IFT81: variants seen among roughly 807,000 people sequenced by gnomAD.
IFT81 encodes intraflagellar transport protein 81 homolog.
A neutral mutation model predicts 102.6 loss-of-function variants in IFT81; 72 were observed. The observed-to-expected ratio is 0.70, with a 90% CI of 0.58 to 0.85. The LOEUF (loss-of-function observed/expected upper bound fraction) is 0.85. IFT81 is among the 40% of genes least tolerant of loss of function. The probability of loss-of-function intolerance (pLI) is 0.00; values close to 1 mark genes in which losing one functional copy is unlikely to be tolerated. For synonymous variants in IFT81, 237 were observed against 242.7 expected (o/e 0.98, Z 0.22); for missense variants, 723 against 787.3 (o/e 0.92, Z 0.98).
chr12:110,189,878 C>T (rs906938043), intron 12 of IFT81, among the ~76,000 whole-genome samples: 4 of 152,174 alleles, frequency 2.6e-5, no homozygotes, highest in African/African-American at 4.8e-5. Flanking sequence ...ATCCCTACAT[C>T]TAATTTGTCG....
At chr12:110,193,317 T>C (rs902272468) in intron 14 of IFT81, among the ~76,000 whole-genome samples, 1 of 152,208 alleles carries the variant, frequency 6.6e-6, no homozygotes. Flanking sequence ...TTAAATCATA[T>C]GGACCTTAAA....
At chr12:110,147,151 A>AC in intron 10 of IFT81, 103 bp downstream of exon 10, 7 of 841,626 alleles carry the variant, frequency 8.3e-6, no homozygotes, top group Non-Finnish European at 1.2e-5. Flanking sequence ...GTAGAGAATA[A>AC]ATGTTGTTCT....
At chr12:110,160,518 T>G (rs1432994006) in intron 10 of IFT81, among the ~76,000 whole-genome samples, 3 of 152,184 alleles carry the variant, frequency 2.0e-5, no homozygotes, top group Non-Finnish European at 4.4e-5. Flanking sequence ...CCCCCTGCCT[T>G]GTTCTAGCAG....
chr12:110,213,592 T>G (rs535136569), intron 18 of IFT81, among the ~76,000 whole-genome samples: 1 of 152,348 alleles, frequency 6.6e-6, no homozygotes, highest in Middle Eastern at 3.4e-3. Flanking sequence ...TCATTCATTC[T>G]TCATTTATTG....
intron 18 of IFT81, among the ~76,000 whole-genome samples, chr12:110,209,651 C>T (rs1869148617): frequency 6.6e-6 from 1 of 151,794 alleles, no homozygotes; most frequent in Non-Finnish European, 1.5e-5. Context: ...CGCCTGTAAT[C>T]CCAGCTACTC....
chr12:110,218,075 A>T lies in IFT81; in HGVS notation c.1880A>T (p.Glu627Val). The T allele has an allele frequency of 6.2e-7, 1 of 1,603,924 alleles. No homozygotes were observed. Among genetic ancestry groups the T allele is most frequent in the Non-Finnish European group, 8.5e-7 (1 of 1,177,214 alleles). The change falls in exon 19 of 19, where the codon GAA becomes GTA. Residue 627 changes from glutamate (E) to valine (V), a missense_variant. Transcript: ENST00000242591. The stretch of plus-strand genomic sequence containing the variant: ...CGGGAAAAACAAAAAGTTATACGAG[A>T]AAGTCATGGTCCAAATATGAAACAA... ...KLREKQKVIR[E>V]SHGPNMKQAK...
intron 5 of IFT81, among the ~76,000 whole-genome samples, chr12:110,133,080 C>T (rs1894271157): frequency 6.6e-6 from 1 of 150,702 alleles, no homozygotes; most frequent in Non-Finnish European, 1.5e-5. Context: ...AAATGATCCA[C>T]ATGCCTGAGC....
intron 11 of IFT81, chr12:110,169,015 T>TCCTCCCTC (rs1566138503): frequency 1.4e-5 from 2 of 141,662 alleles, no homozygotes; most frequent in African/African-American, 5.2e-5. Flanking sequence ...TTCTTTCTTT[T>TCCTCCCTC]CCTTCCTCCC....
intron 18 of IFT81, among the ~76,000 whole-genome samples, chr12:110,212,675 A>G (rs1462650691): frequency 6.6e-6 from 1 of 152,000 alleles, no homozygotes; most frequent in Non-Finnish European, 1.5e-5. Context: ...CTTCTCTACT[A>G]AAAATACAAA....
intron 17 of IFT81, among the ~76,000 whole-genome samples, chr12:110,206,424 T>A (rs1868632515): frequency 6.6e-6 from 1 of 152,228 alleles, no homozygotes; most frequent in Admixed American, 6.5e-5. Flanking sequence ...ATTAAATGTT[T>A]TGCTATTACT....
At chr12:110,156,493 T>C (rs1038055060) in intron 10 of IFT81, among the ~76,000 whole-genome samples, 1 of 152,112 alleles carries the variant, frequency 6.6e-6, no homozygotes, top group Non-Finnish European at 1.5e-5. Flanking sequence ...TCTTAATTTA[T>C]TCCTTACTTT....
At chr12:110,151,706 A>G (rs2137394132) in intron 10 of IFT81, among the ~76,000 whole-genome samples, 1 of 152,298 alleles carries the variant, frequency 6.6e-6, no homozygotes, top group South Asian at 2.1e-4. Context: ...ACAATTTTCA[A>G]GTGTTAAGAT....
At chr12:110,216,944 A>G (rs548783109) in intron 18 of IFT81, 2 of 203,718 alleles carry the variant, frequency 9.8e-6, no homozygotes, top group Admixed American at 1.1e-4. Context: ...TTCTAAAACA[A>G]AATGTGGACA....
intron 9 of IFT81, among the ~76,000 whole-genome samples, chr12:110,146,450 G>C (rs1052698405): frequency 6.6e-6 from 1 of 152,176 alleles, no homozygotes; most frequent in African/African-American, 2.4e-5. Context: ...CACAACGTAG[G>C]TGAGGGGATA....
At chr12:110,143,336 G>C (rs1895008153) in intron 8 of IFT81, 46 bp from the exon 9 acceptor site, 1 of 1,128,410 alleles carries the variant, frequency 8.9e-7, no homozygotes, top group Non-Finnish European at 1.2e-6. Flanking sequence ...GAATATCACT[G>C]TACCTACTCT....
intron 10 of IFT81, among the ~76,000 whole-genome samples, chr12:110,149,811 G>C (rs1179635941): frequency 6.6e-6 from 1 of 152,130 alleles, no homozygotes; most frequent in Non-Finnish European, 1.5e-5. Context: ...GTCTTCTTCA[G>C]CCGATCTCCT....
intron 10 of IFT81, chr12:110,162,266 T>A (rs1178468426): frequency 6.6e-6 from 1 of 151,700 alleles, no homozygotes; most frequent in Non-Finnish European, 1.5e-5. Context: ...TACCTTCTAT[T>A]GACTTGAACT....
intron 12 of IFT81, 61 bp downstream of exon 12, chr12:110,180,632 G>A: frequency 8.0e-7 from 1 of 1,247,552 alleles, no homozygotes; most frequent in Non-Finnish European, 1.1e-6. Flanking sequence ...ATGGGTTACA[G>A]CTTTATACTG....
intron 8 of IFT81, among the ~76,000 whole-genome samples, chr12:110,142,387 C>T (rs191103212): frequency 4.6e-5 from 7 of 151,780 alleles, no homozygotes; most frequent in Non-Finnish European, 8.8e-5. Flanking sequence ...AGGCTGCTCT[C>T]GAACTCTAGA....
Sources: allele counts gnomAD v4.1 joint callset (sites outside exome capture counted in the v4.1 genomes callset), GRCh38; gene constraint gnomAD v4.1.1; transcripts MANE v1.5; gene names NCBI Gene and HGNC (gene_info 2026-07-23, HGNC 2026-07-21).